Variants in NOP2 observed in about 807,000 individuals in gnomAD.
NOP2 encodes NOP2 nucleolar protein.
A neutral mutation model predicts 72.7 loss-of-function variants in NOP2; 7 were observed. The ratio of observed to expected loss-of-function variants is 0.10; its 90% confidence interval spans 0.05 to 0.18. The LOEUF is 0.18. Among genes scored for constraint, NOP2 ranks in the 10% least tolerant of loss-of-function variants. The pLI is 1.00. For missense variants in NOP2, 954 were observed against 1,014.7 expected (o/e 0.94, Z 0.81); for synonymous variants, 387 against 388.0 (o/e 1.00, Z 0.03).
intron 3 of NOP2, 61 bp from the exon 4 acceptor site, chr12:6,566,678 AT>A: frequency 6.3e-7 from 1 of 1,596,842 alleles, no homozygotes; most frequent in Non-Finnish European, 8.6e-7. Flanking sequence ...AGGCTCTGCC[AT>A]TTCCACCATA....
chr12:6,563,668 T>C lies in NOP2; in HGVS notation c.634A>G (p.Ile212Val). The C allele has an allele frequency of 6.2e-7, 1 of 1,613,734 alleles. No homozygotes were observed. The highest frequency in any genetic ancestry group is 1.1e-5 in the South Asian group (1 of 91,044). ...KVEEADGGLQ[I>V]NVDEEPFVLP... Reference sequence around the variant, plus strand: ...ACAAATGGTTCCTCATCCACATTGATCTGCAGGCCCCCATCTGCCTCTTCC... The same window carrying C: ...ACAAATGGTTCCTCATCCACATTGACCTGCAGGCCCCCATCTGCCTCTTCC... The change falls in exon 7 of 16, where the codon ATC becomes GTC. Residue 212 changes from isoleucine to valine, a missense_variant. This residue lies in a region of NOP2 where 498 missense variants were observed against 478.3 expected (regional missense o/e 1.04). Transcript: ENST00000322166.
intron 5 of NOP2, chr12:6,564,275 CAA>C (rs560024120): frequency 1.8e-3 from 134 of 74,004 alleles, no homozygotes; most frequent in South Asian, 0.011. Flanking sequence ...GACTTCATCT[CAA>C]AAAAAAAAAA....
Position 6,557,568 on chromosome 12 carries a change from G to A in NOP2, c.1864C>T (p.Pro622Ser), listed in dbSNP as rs1006803754. The change falls in exon 16 of 16, where the codon CCA (proline) becomes TCA (serine). Residue 622 changes from proline to serine, a missense_variant. By Grantham distance (74) the Pro-to-Ser change is moderately conservative. Transcript: ENST00000322166. ...VIPKSENSSQ[P>S]AKKAKGAAKT... ...GCAGCCCCCTTGGCTTTCTTGGCTG[G>A]CTGGCTGCTGTTCTCAGACTTGGGG... 2.4e-5 allele frequency: 38 copies of A among 1,613,808 alleles called. No individual in the cohort carries two copies. The highest frequency in any genetic ancestry group is 3.1e-5 in the Non-Finnish European group (37 of 1,179,860).
At chr12:6,559,033 C>T (rs1565586192) in intron 15 of NOP2, among the ~76,000 whole-genome samples, 1 of 152,190 alleles carries the variant, frequency 6.6e-6, no homozygotes, top group African/African-American at 2.4e-5. Flanking sequence ...TCTCGGCTTA[C>T]TGCAACCTCC....
Position 6,568,191 on chromosome 12 carries a change from T to G in NOP2, c.-5+16A>C. 1 of 470,628 alleles carries G rather than the reference T, an allele frequency of 2.1e-6. No individual in the cohort carries two copies. Among genetic ancestry groups the G allele is most frequent in the Non-Finnish European group, 3.8e-6 (1 of 260,572 alleles). 29.2% of individuals were successfully genotyped at this position (470,628 alleles called of 1,614,324 possible). A position where few individuals can be genotyped will look rare whatever the true frequency, so the allele number is the denominator to read the frequency against. On this transcript the variant is annotated intron_variant, in intron 1 of 15. Coordinates refer to ENST00000322166, the MANE Select transcript of NOP2 (RefSeq NM_001258308.2). ...AGTGCTGCCACTCTTCGTCCCCCAA[T>G]TTCCTCTAGACCCACCAGAATGCGG...
At position 6,568,235 on chromosome 12, in the gene NOP2, C is replaced by T; in HGVS notation, c.-33G>A. On this transcript the variant is annotated 5_prime_UTR_variant, in exon 1 of 16. Coordinates refer to ENST00000322166, the MANE Select transcript of NOP2 (RefSeq NM_001258308.2). Reference sequence around the variant, plus strand: ...AATGCGGGTTAATGTCCGAGAGTGCCCTTCGGGCGGCCCTCCACGTGCAAT... The same window carrying T: ...AATGCGGGTTAATGTCCGAGAGTGCTCTTCGGGCGGCCCTCCACGTGCAAT... 1 of 280,124 alleles carries T rather than the reference C, an allele frequency of 3.6e-6. No individual in the cohort carries two copies. The highest frequency in any genetic ancestry group is 6.8e-6 in the Non-Finnish European group (1 of 148,024). 17.4% of individuals were successfully genotyped at this position (280,124 alleles called of 1,614,324 possible).
rs575825089 is a variant in NOP2 at position 6,557,614 on chromosome 12, A to G, written c.1818T>C (p.Asn606=). Residue 606 remains asparagine (N), a synonymous_variant, in exon 16 of 16, where the codon AAT becomes AAC. Transcript: ENST00000322166. ...TGGGGATGACCTGAGGCAAGTCTAC[A>G]TTTGTAGGTGTGGCTGTTTCAGAAT... The part of the protein sequence containing the change: ...TGNSETATPT[N]VDLPQVIPKS... 6.2e-7 allele frequency: 1 copy of G among 1,613,000 alleles called. No individual in the cohort carries two copies. The highest frequency in any genetic ancestry group is 2.2e-5 in the East Asian group (1 of 44,870).
Position 6,557,039 on chromosome 12 carries a change from C to T in NOP2, c.2393G>A (p.Arg798Lys). The change falls in exon 16 of 16, where the codon AGG becomes AAG. Residue 798 changes from arginine to lysine, a missense_variant. By Grantham distance (26) the Arg-to-Lys change is conservative. Transcript: ENST00000322166. ...GTTGCCCCTGGACTGAGATTTCTTC[C>T]TCTTTGCTGGTGGGGGGCGGCTGGA... Reference protein sequence around the residue: ...IRSSRPPPAKRKKSQSRGNSQ... With the variant: ...IRSSRPPPAKKKKSQSRGNSQ... 2 of 1,613,996 alleles carry T rather than the reference C, an allele frequency of 1.2e-6. No individual in the cohort carries two copies. Among genetic ancestry groups the T allele is most frequent in the Non-Finnish European group, 1.7e-6 (2 of 1,179,890 alleles).
At chr12:6,568,121 G>C (rs1203217066) in intron 1 of NOP2, 86 bp downstream of exon 1, 1 of 587,274 alleles carries the variant, frequency 1.7e-6, no homozygotes, top group African/African-American at 1.9e-5. Context: ...CCTCCCACCT[G>C]AAACCCAGGT....
intron 11 of NOP2, 25 bp downstream of exon 11, chr12:6,561,639 T>C (rs1592240989): frequency 6.2e-7 from 1 of 1,608,782 alleles, no homozygotes; most frequent in Non-Finnish European, 8.5e-7. Flanking sequence ...GCCCGATGAA[T>C]CCCACCTGCC....
chr12:6,567,942 G>A lies in NOP2; in HGVS notation c.-4-20C>T, dbSNP rs548174753. 7.5e-6 allele frequency: 12 copies of A among 1,594,530 alleles called. No homozygotes were observed. In the East Asian group the frequency reaches 2.0e-4, roughly 27 times the overall value. On this transcript the variant is annotated intron_variant, in intron 1 of 15. Transcript: ENST00000322166. ...ATGGTACTGTGGCAGGCAGAAATGG[G>A]AGAAGGTGGCGTCGCGCGTGTCGGA...
intron 2 of NOP2, among the ~76,000 whole-genome samples, chr12:6,567,344 C>A (rs78578295): frequency 0.012 from 1,840 of 152,298 alleles, 32 homozygotes; most frequent in African/African-American, 0.041. Flanking sequence ...CAATGCCCAA[C>A]ACAAACTCCC....
Position 6,567,888 on chromosome 12 carries a change from T to C in NOP2, c.31A>G (p.Lys11Glu). 3 of 1,613,938 alleles carry C rather than the reference T, an allele frequency of 1.9e-6. No individual in the cohort carries two copies. The highest frequency in any genetic ancestry group is 2.5e-6 in the Non-Finnish European group (3 of 1,179,868). Residue 11 changes from lysine to glutamate, a missense_variant, in exon 2 of 16, where the codon AAG becomes GAG. Transcript: ENST00000322166. ...CGGGCCTTTCGGCCTGGCCCCCGCT[T>C]CTCCTTCGTAGGGTCCAACTTGCGC... Reference protein sequence around the residue: MGRKLDPTKEKRGPGRKARKQ... With the variant: MGRKLDPTKEERGPGRKARKQ...
rs1050947559 is a variant in NOP2 at position 6,557,988 on chromosome 12, A to G, written c.1790-346T>C. 1.8e-5 allele frequency: 6 copies of G among 340,142 alleles called. No homozygotes were observed. In the East Asian group the frequency reaches 3.6e-4, roughly 21 times the overall value. 21.1% of individuals were successfully genotyped at this position (340,142 alleles called of 1,614,324 possible). On this transcript the variant is annotated intron_variant, in intron 15 of 15. Coordinates refer to ENST00000322166, the MANE Select transcript of NOP2 (RefSeq NM_001258308.2). ...TGAAACCATCTCTACTAAAAATACA[A>G]AAATTAGCCAGGGATGGTGGTACAC...
At chr12:6,564,749 T>C (rs1947735774) in intron 5 of NOP2, among the ~76,000 whole-genome samples, 5 of 151,864 alleles carry the variant, frequency 3.3e-5, no homozygotes, top group Admixed American at 2.6e-4. Flanking sequence ...TTTTTTTTTT[T>C]TTTTTACTTA....
intron 9 of NOP2, among the ~76,000 whole-genome samples, chr12:6,562,747 T>C (rs1947681995): frequency 6.6e-6 from 1 of 152,206 alleles, no homozygotes; most frequent in South Asian, 2.1e-4. Context: ...GAGTTTAAAA[T>C]ATTGACTGTG....
At position 6,560,721 on chromosome 12, in the gene NOP2, C is replaced by T. The variant is rs1279754012; in HGVS notation, c.1414G>A (p.Asp472Asn). 5 of 1,613,564 alleles carry T rather than the reference C, an allele frequency of 3.1e-6. No individual in the cohort carries two copies. The highest frequency in any genetic ancestry group is 3.4e-6 in the Non-Finnish European group (4 of 1,179,746). ...ACCTTGTTAGTCTTCACGGCTGGAT[C>T]CTTGGAGATGACCCCAGTGCCACTG... ...PCSGTGVISKDPAVKTNKDEK... is the reference protein window; with the variant it reads ...PCSGTGVISKNPAVKTNKDEK... The change falls in exon 13 of 16, where the codon GAT (aspartate) becomes AAT (asparagine). Residue 472 changes from aspartate to asparagine, a missense_variant. Physicochemically the swap from Asp to Asn is conservative, Grantham distance 23. Around this residue, in one of 3 missense-constraint regions of NOP2, gnomAD observed 187 missense variants for 276.2 expected, o/e 0.68. Transcript: ENST00000322166. This position sits in a 1 kb window ranked among gnomAD's most constrained non-coding sequence, Gnocchi z 5.0.
chr12:6,563,808 C>G (rs201574107), intron 6 of NOP2, 37 bp from the exon 7 acceptor site: 97 of 1,612,574 alleles, frequency 6.0e-5, no homozygotes, highest in Non-Finnish European at 8.1e-5. Flanking sequence ...ATTCACAGAC[C>G]AAAACAGATA....
Position 6,560,091 on chromosome 12 carries a change from T to C in NOP2, c.1789+7A>G, listed in dbSNP as rs11064255. 0.17 allele frequency: 276,403 copies of C among 1,598,338 alleles called. 28,951 individuals are homozygous for C. The highest frequency in any genetic ancestry group is 0.5 in the African/African-American group (36,992 of 74,536). On this transcript the variant is annotated splice_region_variant and intron_variant, in intron 15 of 15. Transcript: ENST00000322166. The surrounding 1 kb of genome is among the most constrained non-coding windows in gnomAD (Gnocchi z 5.0). ...GTGGTGACGAAGGGAAGAAAAAGAT[T>C]ACTTACCTGTCTGGGACTGAGGGAT...
Sources: gnomAD v4.1 joint callset for allele counts (sites outside exome capture counted in the v4.1 genomes callset) on GRCh38, gnomAD v4.1.1 for gene constraint, gnomAD v4.1.1 regional missense constraint, Gnocchi (gnomAD v3.1) non-coding constraint, MANE v1.5 for transcripts, NCBI Gene and HGNC (gene_info 2026-07-23, HGNC 2026-07-21) for gene names.